The following BMERB1 variants were observed in gnomAD, a reference collection of about 807,000 sequenced individuals.
BMERB1 encodes bMERB domain-containing protein 1.
A neutral mutation model predicts 23.6 loss-of-function variants in BMERB1; 12 were observed. That is an observed-to-expected ratio of 0.51 (90% CI 0.33 to 0.82). The LOEUF (loss-of-function observed/expected upper bound fraction) is 0.82. Among genes scored for constraint, BMERB1 ranks in the 40% least tolerant of loss-of-function variants. The pLI is 0.03. For missense variants in BMERB1, 247 were observed against 255.4 expected, an observed-to-expected ratio of 0.97 and a Z score of 0.22; for synonymous variants, 122 against 96.6, an observed-to-expected ratio of 1.26 and a Z score of -1.54.
intron 1 of BMERB1, among the ~76,000 whole-genome samples, chr16:15,474,127 A>G (rs1309851471): frequency 6.6e-6 from 1 of 151,866 alleles, no homozygotes; most frequent in Non-Finnish European, 1.5e-5. Flanking sequence ...CTCAAAAAAA[A>G]AAAAAAAAAA....
intron 1 of BMERB1, among the ~76,000 whole-genome samples, chr16:15,512,821 G>A (rs1302392301): frequency 2.6e-5 from 4 of 151,832 alleles, no homozygotes; most frequent in African/African-American, 9.7e-5. Flanking sequence ...GGAGGTTGCA[G>A]TGAGCCGATA....
intron 3 of BMERB1, among the ~76,000 whole-genome samples, chr16:15,577,754 G>C (rs1003070280): frequency 6.6e-6 from 1 of 152,266 alleles, no homozygotes; most frequent in Admixed American, 6.5e-5. Context: ...GCTTGGGAGA[G>C]GCTGCAAACA....
intron 1 of BMERB1, among the ~76,000 whole-genome samples, chr16:15,452,331 G>GGA (rs1555505653): frequency 9.8e-5 from 13 of 132,962 alleles, no homozygotes; most frequent in African/African-American, 2.6e-4. Flanking sequence ...AGGGAGGGAG[G>GGA]GAGAGAGAGA....
intron 2 of BMERB1, among the ~76,000 whole-genome samples, chr16:15,538,455 GA>G (rs113043732): frequency 0.074 from 10,361 of 140,150 alleles, 1,107 homozygotes; most frequent in African/African-American, 0.24. Flanking sequence ...CTGTCTCAAA[GA>G]AAAAAAAAAA....
chr16:15,539,817 T>TG (rs2052061192), intron 2 of BMERB1, among the ~76,000 whole-genome samples: 1 of 150,072 alleles, frequency 6.7e-6, no homozygotes, highest in Non-Finnish European at 1.5e-5. Context: ...CACTCCAGCC[T>TG]GGTGACAGAG....
intron 2 of BMERB1, chr16:15,532,993 C>G (rs1454989981): frequency 2.2e-6 from 1 of 455,562 alleles, no homozygotes; most frequent in East Asian, 6.9e-5. Context: ...ATAGGCTGTG[C>G]AATCTTGCAC....
intron 1 of BMERB1, among the ~76,000 whole-genome samples, chr16:15,436,743 A>G (rs1259684382): frequency 6.6e-6 from 1 of 151,832 alleles, no homozygotes; most frequent in Non-Finnish European, 1.5e-5. Context: ...TATCTCCATG[A>G]GGGTCTCTTG....
intron 1 of BMERB1, among the ~76,000 whole-genome samples, chr16:15,456,901 C>T (rs1054751018): frequency 6.6e-6 from 1 of 152,124 alleles, no homozygotes; most frequent in African/African-American, 2.4e-5. Flanking sequence ...TCTCGGCTCA[C>T]TACAACCTCC....
intron 2 of BMERB1, among the ~76,000 whole-genome samples, chr16:15,554,989 T>G (rs1266920121): frequency 6.6e-6 from 1 of 152,158 alleles, no homozygotes; most frequent in Non-Finnish European, 1.5e-5. Flanking sequence ...CTTTTAGGTC[T>G]AAAACAAAGG....
chr16:15,491,070 G>A (rs1158331382), intron 1 of BMERB1, among the ~76,000 whole-genome samples: 2 of 151,986 alleles, frequency 1.3e-5, no homozygotes, highest in Non-Finnish European at 2.9e-5. Context: ...GGCTGGTCTC[G>A]AACTCCTGAG....
intron 1 of BMERB1, among the ~76,000 whole-genome samples, chr16:15,509,517 A>C (rs543114033): frequency 2.0e-5 from 3 of 152,298 alleles, no homozygotes; most frequent in African/African-American, 7.2e-5. Flanking sequence ...TCTTGTACAG[A>C]GGAGGAAAGT....
At chr16:15,528,331 C>T (rs1254861908) in intron 2 of BMERB1, among the ~76,000 whole-genome samples, 1 of 152,136 alleles carries the variant, frequency 6.6e-6, no homozygotes, top group African/African-American at 2.4e-5. Flanking sequence ...AACTTGCTCT[C>T]TCGAGCACTT....
At chr16:15,507,283 CTT>C (rs1491550064) in intron 1 of BMERB1, among the ~76,000 whole-genome samples, 5 of 152,182 alleles carry the variant, frequency 3.3e-5, no homozygotes, top group African/African-American at 1.2e-4. Flanking sequence ...GGTAGCCTTA[CTT>C]TTTGTTTTGT....
rs370783766 is a variant in BMERB1 at position 15,484,959 on chromosome 16, A to G, written c.107-30346A>G. Among the ~76,000 whole-genome samples, 22 of 152,250 alleles carry G rather than the reference A, an allele frequency of 1.4e-4. 1 individual carries two copies. In the East Asian group the frequency reaches 3.7e-3, roughly 25 times the overall value. ...CAAGGGATCAAATGCCATCAGTAGG[A>G]CTCAGTTTTTCTGCATCTACTTGTG... On this transcript the variant is annotated intron_variant, in intron 1 of 5. Coordinates refer to ENST00000300006, the MANE Select transcript of BMERB1 (RefSeq NM_033201.3).
intron 1 of BMERB1, among the ~76,000 whole-genome samples, chr16:15,475,165 G>C (rs183428501): frequency 7.2e-5 from 11 of 152,206 alleles, no homozygotes; most frequent in Non-Finnish European, 5.9e-5. Flanking sequence ...TCCTTACTGC[G>C]CTCTACTGCT....
At chr16:15,486,248 C>T (rs1354052482) in intron 1 of BMERB1, among the ~76,000 whole-genome samples, 6 of 149,578 alleles carry the variant, frequency 4.0e-5, no homozygotes, top group Admixed American at 2.0e-4. Flanking sequence ...AATCGGGTTA[C>T]GTTTGAGGAT....
chr16:15,472,860 C>CTTTTTTT (rs34677062), intron 1 of BMERB1, among the ~76,000 whole-genome samples: 1 of 133,854 alleles, frequency 7.5e-6, no homozygotes, highest in Non-Finnish European at 1.6e-5. Flanking sequence ...AGGATTCCAT[C>CTTTTTTT]TTTTTTTTTT....
chr16:15,440,315 G>T (rs2050929255), intron 1 of BMERB1, among the ~76,000 whole-genome samples: 1 of 148,858 alleles, frequency 6.7e-6, no homozygotes, highest in Non-Finnish European at 1.5e-5. Flanking sequence ...ATGAGTAGGA[G>T]ATTGGAATGA....
chr16:15,526,505 A>T (rs2051906236), intron 2 of BMERB1, among the ~76,000 whole-genome samples: 1 of 152,010 alleles, frequency 6.6e-6, no homozygotes, highest in Non-Finnish European at 1.5e-5. Flanking sequence ...TTCTACTAAA[A>T]ATACAAAAAT....
Sources: gnomAD v4.1 joint callset for allele counts (sites outside exome capture counted in the v4.1 genomes callset) on GRCh38, gnomAD v4.1.1 for gene constraint, MANE v1.5 for transcripts, NCBI Gene and HGNC (gene_info 2026-07-23, HGNC 2026-07-21) for gene names.